ENPP3: variants seen among roughly 807,000 people sequenced by gnomAD.
ENPP3 encodes ectonucleotide pyrophosphatase/phosphodiesterase family member 3.
ENPP3 carries 104 observed loss-of-function variants against 117.8 expected under a neutral mutation model. The ratio of observed to expected loss-of-function variants is 0.88; its 90% CI spans 0.75 to 1.04. ENPP3 has a LOEUF of 1.04. ENPP3 is among the 50% of genes least tolerant of loss of function. The pLI, the probability that ENPP3 is intolerant of heterozygous loss-of-function variation, is 0.00. For missense variants in ENPP3, 1,026 were observed against 1,051.9 expected, an observed-to-expected ratio of 0.98 and a Z score of 0.34; for synonymous variants, 380 against 349.9, an observed-to-expected ratio of 1.09 and a Z score of -0.96.
chr6:131,741,823 G>T (rs1040775853), intron 24 of ENPP3, among the ~76,000 whole-genome samples: 8 of 152,154 alleles, frequency 5.3e-5, no homozygotes. Flanking sequence ...GGCAATTAGA[G>T]CCTGAGAATT....
chr6:131,682,363 G>A (rs553093275), intron 11 of ENPP3, among the ~76,000 whole-genome samples: 2 of 151,972 alleles, frequency 1.3e-5, no homozygotes, highest in African/African-American at 4.8e-5. Flanking sequence ...GCATGATGGT[G>A]TCCACCTGTG....
At chr6:131,736,760 G>A (rs1780406495) in intron 21 of ENPP3, among the ~76,000 whole-genome samples, 1 of 152,092 alleles carries the variant, frequency 6.6e-6, no homozygotes, top group East Asian at 1.9e-4. Context: ...AGGGCTGCTG[G>A]AACAAATTAC....
intron 15 of ENPP3, among the ~76,000 whole-genome samples, chr6:131,712,667 A>T (rs1370638873): frequency 7.1e-6 from 1 of 140,538 alleles, no homozygotes; most frequent in Non-Finnish European, 1.5e-5. Context: ...CCAAAATGGC[A>T]TGTATACACC....
At chr6:131,737,517 A>T in intron 22 of ENPP3, 85 bp downstream of exon 22, 1 of 778,676 alleles carries the variant, frequency 1.3e-6, no homozygotes, top group Non-Finnish European at 2.2e-6. Context: ...TTTTAATTGC[A>T]ATTTGTTCCT....
chr6:131,717,346 C>CGGGG (rs1183549477), intron 15 of ENPP3, among the ~76,000 whole-genome samples: 4 of 91,234 alleles, frequency 4.4e-5, no homozygotes, highest in African/African-American at 7.2e-5. Flanking sequence ...AGAAACCCTG[C>CGGGG]GGGGGGTGTG....
At chr6:131,717,351 GGTGTGTGTGTGTGTGTGTGT>G (rs71030754) in intron 15 of ENPP3, among the ~76,000 whole-genome samples, 25 of 89,422 alleles carry the variant, frequency 2.8e-4, no homozygotes, top group African/African-American at 4.5e-4. Flanking sequence ...CCCTGCGGGG[GGTGTGTGTGTGTGTGTGTGT>G]GTGTGTGTGT....
intron 10 of ENPP3, 48 bp downstream of exon 10, chr6:131,676,849 G>A (rs771229438): frequency 8.2e-6 from 10 of 1,222,772 alleles, no homozygotes; most frequent in Non-Finnish European, 1.2e-5. Flanking sequence ...ATATATATGG[G>A]TAAAAAATGA....
At position 131,693,583 on chromosome 6, in the gene ENPP3, C is replaced by G; in HGVS notation, c.1371C>G (p.Asp457Glu). Reference protein sequence around the residue: ...RLHYAKNVRIDKVHLFVDQQW... With the variant: ...RLHYAKNVRIEKVHLFVDQQW... Reference sequence around the variant, plus strand: ...ACTATGCCAAGAACGTCAGAATCGACAAAGTTCATCTCTTTGTGGATCAAC... The same window carrying G: ...ACTATGCCAAGAACGTCAGAATCGAGAAAGTTCATCTCTTTGTGGATCAAC... The change falls in exon 15 of 25, where the codon GAC becomes GAG. Residue 457 changes from aspartate to glutamate, a missense_variant. Asp to Glu is a conservative substitution (Grantham distance 45). Coordinates refer to ENST00000357639, the MANE Select transcript of ENPP3 (RefSeq NM_005021.5). 1 of 1,613,914 alleles carries G rather than the reference C, an allele frequency of 6.2e-7. No individual in the cohort carries two copies. Among genetic ancestry groups the G allele is most frequent in the East Asian group, 2.2e-5 (1 of 44,866 alleles).
intron 18 of ENPP3, among the ~76,000 whole-genome samples, chr6:131,723,096 C>T (rs559869164): frequency 5.3e-4 from 81 of 152,156 alleles, no homozygotes; most frequent in South Asian, 1.0e-3. Flanking sequence ...ATTGGAGCCC[C>T]GTTATCAGGA....
intron 1 of ENPP3, among the ~76,000 whole-genome samples, chr6:131,639,639 A>G (rs1295283764): frequency 2.6e-5 from 4 of 152,162 alleles, no homozygotes; most frequent in South Asian, 2.1e-4. Context: ...TTTTGAAGGT[A>G]TCTGCTGTGT....
At chr6:131,690,272 G>T (rs986752440) in intron 14 of ENPP3, among the ~76,000 whole-genome samples, 3 of 152,110 alleles carry the variant, frequency 2.0e-5, no homozygotes, top group Non-Finnish European at 1.5e-5. Context: ...TTTGTGAAAG[G>T]CAGGGTCCAC....
intron 7 of ENPP3, among the ~76,000 whole-genome samples, chr6:131,673,485 C>T (rs920447550): frequency 2.0e-5 from 3 of 152,058 alleles, no homozygotes; most frequent in East Asian, 1.9e-4. Context: ...AACTTATTAA[C>T]GCAAAGGGGA....
intron 1 of ENPP3, among the ~76,000 whole-genome samples, chr6:131,639,637 G>T (rs1223541027): frequency 6.6e-6 from 1 of 152,000 alleles, no homozygotes; most frequent in East Asian, 1.9e-4. Context: ...CATTTTGAAG[G>T]TATCTGCTGT....
intron 2 of ENPP3, among the ~76,000 whole-genome samples, chr6:131,647,940 A>G (rs1722548355): frequency 6.6e-6 from 1 of 152,154 alleles, no homozygotes; most frequent in Non-Finnish European, 1.5e-5. Flanking sequence ...TAGAAATTTT[A>G]TAACAGCAAC....
intron 6 of ENPP3, among the ~76,000 whole-genome samples, chr6:131,667,857 C>T (rs180909458): frequency 4.3e-4 from 66 of 152,264 alleles, no homozygotes; most frequent in African/African-American, 1.6e-3. Context: ...ATCTTGGTAA[C>T]ATCACTCCTC....
chr6:131,737,435 A>G lies in ENPP3; in HGVS notation c.2167+3A>G, dbSNP rs771494869. The G allele has an allele frequency of 2.0e-6, 3 of 1,500,856 alleles. No individual in the cohort carries two copies. The highest frequency in any genetic ancestry group is 2.3e-5 in the South Asian group (2 of 87,388). 93.0% of individuals were successfully genotyped at this position (1,500,856 alleles called of 1,614,324 possible). A position where few individuals can be genotyped will look rare whatever the true frequency, so the allele number is the denominator to read the frequency against. On this transcript the variant is annotated splice_donor_region_variant and intron_variant, in intron 22 of 24. Coordinates refer to ENST00000357639, the MANE Select transcript of ENPP3 (RefSeq NM_005021.5). ...ACCTATGTATGAAGAATTCAGAAGT[A>G]AGTATGAATTTAGAGTATTAATTTT... is the stretch of plus-strand genomic sequence containing the variant.
rs1261896846 is a variant in ENPP3 at position 131,738,089 on chromosome 6, A to G, written c.2226A>G (p.Gly742=). 2 of 1,605,158 alleles carry G rather than the reference A, an allele frequency of 1.2e-6. No individual in the cohort carries two copies. Among genetic ancestry groups the G allele is most frequent in the African/African-American group, 2.7e-5 (2 of 74,710 alleles). ...LLIKHATERN[G]VNVVSGPIFD... ...TAAAACATGCCACAGAAAGAAATGG[A>G]GTAAATGTGGTTAGTGGACCAATAT... Residue 742 remains glycine, a synonymous_variant, in exon 23 of 25, where the codon GGA becomes GGG. Coordinates refer to ENST00000357639, the MANE Select transcript of ENPP3 (RefSeq NM_005021.5).
intron 5 of ENPP3, among the ~76,000 whole-genome samples, chr6:131,654,888 A>T (rs1392691692): frequency 1.3e-5 from 2 of 152,208 alleles, no homozygotes; most frequent in African/African-American, 4.8e-5. Context: ...AAGGATTAGA[A>T]TAAAATGAGA....
chr6:131,702,431 G>T (rs1314329367), intron 15 of ENPP3, among the ~76,000 whole-genome samples: 4 of 151,912 alleles, frequency 2.6e-5, no homozygotes, highest in Non-Finnish European at 5.9e-5. Context: ...ATTATTTTTT[G>T]TTATTTACTT....
Sources: allele counts gnomAD v4.1 joint callset (sites outside exome capture counted in the v4.1 genomes callset), GRCh38; gene constraint gnomAD v4.1.1; transcripts MANE v1.5; gene names NCBI Gene and HGNC (gene_info 2026-07-23, HGNC 2026-07-21).